The following GANC variants were observed in gnomAD, a reference collection of about 807,000 sequenced individuals.
GANC encodes neutral alpha-glucosidase C.
Under a neutral mutation model 124.2 loss-of-function variants are expected in GANC, and 117 were observed. The observed-to-expected ratio is 0.94, with a 90% CI of 0.81 to 1.10. The LOEUF (loss-of-function observed/expected upper bound fraction) is 1.10. GANC is among the 50% of genes least tolerant of loss of function. The probability of loss-of-function intolerance (pLI) is 0.00; values close to 1 mark genes in which losing one functional copy is unlikely to be tolerated. For synonymous variants in GANC, 377 were observed against 376.8 expected, an observed-to-expected ratio of 1.00 and a Z score of -0.01; for missense variants, 1,140 against 1,095.0, an observed-to-expected ratio of 1.04 and a Z score of -0.58.
intron 1 of GANC, 60 bp from the exon 2 acceptor site, chr15:42,276,288 C>G: frequency 2.5e-6 from 2 of 809,804 alleles, no homozygotes; most frequent in East Asian, 5.0e-5. Flanking sequence ...AGAGAAGGTA[C>G]AAAAGTTGGA....
chr15:42,348,791 G>A (rs1214855070), intron 21 of GANC, among the ~76,000 whole-genome samples: 1 of 152,068 alleles, frequency 6.6e-6, no homozygotes, highest in Non-Finnish European at 1.5e-5. Flanking sequence ...ATACTCACTT[G>A]CATTGATATC....
intron 5 of GANC, among the ~76,000 whole-genome samples, chr15:42,295,282 T>C (rs183924409): frequency 7.8e-4 from 119 of 152,208 alleles, no homozygotes; most frequent in Admixed American, 2.9e-3. Flanking sequence ...CCTGTAGTTT[T>C]CATAGGTATT....
chr15:42,329,533 T>C, intron 14 of GANC, 84 bp downstream of exon 14: 1 of 1,364,670 alleles, frequency 7.3e-7, no homozygotes, highest in Non-Finnish European at 9.9e-7. Context: ...ATAATGGCTA[T>C]TCTCTACTGT....
At chr15:42,339,314 AC>A (rs1471749118) in intron 16 of GANC, among the ~76,000 whole-genome samples, 1 of 119,050 alleles carries the variant, frequency 8.4e-6, no homozygotes, top group African/African-American at 3.7e-5. Flanking sequence ...CAACACACAC[AC>A]ACACACACAC....
At chr15:42,296,707 A>G (rs900401235) in intron 5 of GANC, among the ~76,000 whole-genome samples, 10 of 152,004 alleles carry the variant, frequency 6.6e-5, no homozygotes, top group Admixed American at 5.2e-4. Context: ...TGGGGTTTTT[A>G]ATTGGATTCC....
chr15:42,351,972 G>C (rs2052445175), intron 23 of GANC, 58 bp from the exon 24 acceptor site: 6 of 1,600,162 alleles, frequency 3.7e-6, no homozygotes, highest in Non-Finnish European at 5.1e-6. Flanking sequence ...TTGGAGAAAA[G>C]ACTTTTCCCT....
At chr15:42,350,198 T>C (rs2141086840) in intron 22 of GANC, among the ~76,000 whole-genome samples, 1 of 151,534 alleles carries the variant, frequency 6.6e-6, no homozygotes, top group East Asian at 2.0e-4. Context: ...GCCTGGCTAA[T>C]TTTGTATTTT....
intron 3 of GANC, chr15:42,280,806 C>T: frequency 1.6e-6 from 1 of 615,136 alleles, no homozygotes; most frequent in Non-Finnish European, 2.9e-6. Flanking sequence ...TGAAAATTCT[C>T]AACACAGCGT....
In GANC at chr15:42,293,452, C is replaced by T. The variant is rs1005019826; in HGVS notation, c.512+535C>T. Among the ~76,000 whole-genome samples the T allele has an allele frequency of 6.6e-5, 10 of 152,158 alleles. 1 individual carries two copies. The South Asian group carries it at 8.3e-4, about 13-fold the overall frequency. The stretch of plus-strand genomic sequence containing the variant: ...TTTCTATTTTTATCATGATAATAAA[C>T]GTATTATATGATCTGCAGAAAGCAT... On this transcript the variant is annotated intron_variant, in intron 5 of 23. Coordinates refer to ENST00000318010, the MANE Select transcript of GANC (RefSeq NM_198141.3).
rs900960476 is a variant in GANC, at chr15:42,278,362, G to A, written c.93-120G>A. On this transcript the variant is annotated intron_variant, in intron 2 of 23. Coordinates refer to ENST00000318010, the MANE Select transcript of GANC (RefSeq NM_198141.3). Reference sequence around the variant, plus strand: ...CTTTATTATAGTACTAATACTGTTTGTGCCCTGAAATTCACTGAATATCAT... The same window carrying A: ...CTTTATTATAGTACTAATACTGTTTATGCCCTGAAATTCACTGAATATCAT... 4.1e-5 allele frequency: 26 copies of A among 633,460 alleles called. No homozygotes were observed. The Admixed American group carries it at 5.8e-4, about 14-fold the overall frequency. 39.2% of individuals were successfully genotyped at this position (633,460 alleles called of 1,614,324 possible).
intron 14 of GANC, 145 bp downstream of exon 14, chr15:42,329,594 T>C (rs1237186736): frequency 3.1e-6 from 2 of 639,030 alleles, no homozygotes; most frequent in Non-Finnish European, 4.8e-6. Flanking sequence ...TCTTAGGTAG[T>C]AGCCAATACA....
intron 8 of GANC, among the ~76,000 whole-genome samples, chr15:42,309,887 G>T (rs950423305): frequency 6.6e-6 from 1 of 152,064 alleles, no homozygotes; most frequent in Non-Finnish European, 1.5e-5. Context: ...GGGTGTAGTG[G>T]CACGCACCTG....
intron 3 of GANC, among the ~76,000 whole-genome samples, chr15:42,282,196 C>T (rs1364895380): frequency 1.3e-5 from 2 of 152,140 alleles, no homozygotes; most frequent in African/African-American, 4.8e-5. Context: ...TGGCATGTGC[C>T]TGTAGTCCCA....
In GANC at chr15:42,310,355, TG is replaced by T; in HGVS notation, c.797del (p.Gly266ValfsTer15). On this transcript the variant is annotated frameshift_variant, in exon 9 of 24. Transcript: ENST00000318010. LOFTEE classifies it high-confidence loss of function. ...AAATATATGATAAAATGGGCATTTA[TG>T]GTTCAGTACCTTATCTCCTGGCCCA... Reference protein sequence around the residue: ...YQIYDKMGIYGSVPYLLAHKL... With the variant: ...YQIYDKMGIYXSVPYLLAHKL... 6.2e-7 allele frequency: 1 copy of T among 1,613,520 alleles called. No homozygotes were observed. Among genetic ancestry groups the T allele is most frequent in the Non-Finnish European group, 8.5e-7 (1 of 1,179,598 alleles).
At position 42,350,486 on chromosome 15, in the gene GANC, A is replaced by G. The variant is rs1182009628; in HGVS notation, c.2532-843A>G. ...CTTTTGTGTTCTTCAGTTATTTTTC[A>G]AATAACTTGTTAAAAAGAGCCTGAT... On this transcript the variant is annotated intron_variant, in intron 22 of 23. Coordinates refer to ENST00000318010, the MANE Select transcript of GANC (RefSeq NM_198141.3). Among the ~76,000 whole-genome samples, 5 of 152,014 alleles carry G rather than the reference A, an allele frequency of 3.3e-5. No individual in the cohort carries two copies. The Middle Eastern group carries it at 0.01, about 310-fold the overall frequency.
chr15:42,326,505 C>G (rs946781620), intron 12 of GANC, 81 bp downstream of exon 12: 2 of 1,586,098 alleles, frequency 1.3e-6, no homozygotes, highest in Non-Finnish European at 1.7e-6. Flanking sequence ...CATTCTGCTC[C>G]CTTGTAGATG....
At chr15:42,291,508 G>A (rs779251644) in intron 4 of GANC, among the ~76,000 whole-genome samples, 2 of 152,160 alleles carry the variant, frequency 1.3e-5, no homozygotes, top group Non-Finnish European at 2.9e-5. Flanking sequence ...TTCCCCACGA[G>A]AATCCAGAAC....
rs977739697 is a variant in GANC, at chr15:42,339,361, T to C, written c.1844-308T>C. ...ACACACACACACACACACACACAGTTATTTAATCAGGCAGACATTTTTCAG... is the reference window on the plus strand; with the variant it reads ...ACACACACACACACACACACACAGTCATTTAATCAGGCAGACATTTTTCAG... On this transcript the variant is annotated intron_variant, in intron 16 of 23. Coordinates refer to ENST00000318010, the MANE Select transcript of GANC (RefSeq NM_198141.3). Among the ~76,000 whole-genome samples, 479 of 139,860 alleles carry C rather than the reference T, an allele frequency of 3.4e-3. 6 individuals carry two copies. The highest frequency in any genetic ancestry group is 0.012 in the African/African-American group (450 of 36,606). The allele number at this position is 139,860 out of a possible 152,430, so 91.8% of individuals were successfully genotyped here.
chr15:42,292,739 A>T lies in GANC; in HGVS notation c.334A>T (p.Ile112Phe). Residue 112 changes from isoleucine to phenylalanine, a missense_variant, in exon 5 of 24, where the codon ATT (isoleucine) becomes TTT (phenylalanine). Physicochemically the swap from Ile to Phe is conservative, Grantham distance 21 (BLOSUM62 0). Transcript: ENST00000318010. ...TCTTCCTGTTTTGTTTTCTAGGCTG[A>T]TTTCATGCTCTGGGGACACAGGCAG... The part of the protein sequence containing the change: ...LTSKPSTVRL[I>F]SCSGDTGSLI... The T allele has an allele frequency of 1.2e-6, 2 of 1,613,166 alleles. No individual in the cohort carries two copies. Among genetic ancestry groups the T allele is most frequent in the South Asian group, 2.2e-5 (2 of 90,944 alleles).
Sources: allele counts gnomAD v4.1 joint callset (sites outside exome capture counted in the v4.1 genomes callset), GRCh38; gene constraint gnomAD v4.1.1; transcripts MANE v1.5; gene names NCBI Gene and HGNC (gene_info 2026-07-23, HGNC 2026-07-21).